EPB41: variants seen among roughly 807,000 people sequenced by gnomAD.
EPB41 encodes the protein erythrocyte membrane protein band 4.1, also known as protein 4.1.
In EPB41, 65 loss-of-function variants were observed where a neutral mutation model predicts 108.0. That is an observed-to-expected ratio of 0.60 (90% CI 0.49 to 0.74). The LOEUF is 0.74. Among genes scored for constraint, EPB41 ranks in the 30% least tolerant of loss-of-function variants. EPB41 has a pLI of 0.00. For missense variants in EPB41, 875 were observed against 1,037.0 expected, an observed-to-expected ratio of 0.84 and a Z score of 2.15; for synonymous variants, 336 against 358.9, an observed-to-expected ratio of 0.94 and a Z score of 0.72.
At chr1:29,027,737 A>C (rs2096739288) in intron 7 of EPB41, among the ~76,000 whole-genome samples, 1 of 152,234 alleles carries the variant, frequency 6.6e-6, no homozygotes, top group Non-Finnish European at 1.5e-5. Flanking sequence ...AGCCTGGCTA[A>C]AAATTAGGTA....
intron 1 of EPB41, among the ~76,000 whole-genome samples, chr1:28,965,121 A>G (rs1248502920): frequency 1.3e-5 from 2 of 152,156 alleles, no homozygotes; most frequent in African/African-American, 4.8e-5. Context: ...TTTATGATGA[A>G]TTCAGTAATT....
intron 1 of EPB41, among the ~76,000 whole-genome samples, chr1:28,967,979 A>G (rs529719430): frequency 1.3e-5 from 2 of 151,878 alleles, no homozygotes; most frequent in South Asian, 4.1e-4. Context: ...AAATTTTTGT[A>G]TTTTTAGTAG....
chr1:28,936,056 C>A (rs2094011561), intron 1 of EPB41, among the ~76,000 whole-genome samples: 2 of 152,184 alleles, frequency 1.3e-5, no homozygotes, highest in Admixed American at 1.3e-4. Context: ...GCTGTTCTAA[C>A]CTTGGCATGA....
chr1:29,045,918 G>A (rs1373493774), intron 11 of EPB41, among the ~76,000 whole-genome samples: 1 of 151,580 alleles, frequency 6.6e-6, no homozygotes, highest in Non-Finnish European at 1.5e-5. Flanking sequence ...TAAGGCTGCA[G>A]TGAGCTGTGC....
chr1:28,890,379 A>T lies in EPB41; in HGVS notation c.-8+3169A>T, dbSNP rs186097242. Reference sequence around the variant, plus strand: ...AAAGGGGGTGGGATTCCACTCCTTTATAGTCTGCAGGCTAGTCACTTTGCT... The same window carrying T: ...AAAGGGGGTGGGATTCCACTCCTTTTTAGTCTGCAGGCTAGTCACTTTGCT... On this transcript the variant is annotated intron_variant, in intron 1 of 16. Coordinates refer to the EPB41 transcript ENST00000347529. 1.3e-3 allele frequency among the ~76,000 whole-genome samples: 197 copies of T among 152,234 alleles called. 1 individual carries two copies. The highest frequency in any genetic ancestry group is 4.3e-3 in the African/African-American group (179 of 41,528).
intron 1 of EPB41, among the ~76,000 whole-genome samples, chr1:28,944,917 A>C (rs1432349303): frequency 1.3e-5 from 2 of 151,410 alleles, no homozygotes; most frequent in South Asian, 2.1e-4. Context: ...AGCAAAACCC[A>C]ATCTCTACCA....
At chr1:29,033,784 T>C (rs917148231) in intron 9 of EPB41, among the ~76,000 whole-genome samples, 1 of 152,234 alleles carries the variant, frequency 6.6e-6, no homozygotes, top group African/African-American at 2.4e-5. Context: ...ATTTAACTTT[T>C]GTATTGAAGA....
intron 11 of EPB41, among the ~76,000 whole-genome samples, chr1:29,044,995 T>C (rs2150550520): frequency 6.6e-6 from 1 of 152,358 alleles, no homozygotes; most frequent in African/African-American, 2.4e-5. Context: ...TACCCTTGTG[T>C]CAATACCACA....
chr1:28,933,756 G>A (rs1405642861), intron 1 of EPB41, among the ~76,000 whole-genome samples: 1 of 152,058 alleles, frequency 6.6e-6, no homozygotes, highest in Non-Finnish European at 1.5e-5. Flanking sequence ...AGAATACAGA[G>A]GTGATGTGTC....
chr1:29,090,352 T>A (rs1302785131), intron 16 of EPB41, among the ~76,000 whole-genome samples: 2 of 152,174 alleles, frequency 1.3e-5, no homozygotes, highest in Non-Finnish European at 2.9e-5. Flanking sequence ...ACATAATCTC[T>A]GGGGGTTAGC....
chr1:28,914,104 C>T (rs956599266), upstream of EPB41, among the ~76,000 whole-genome samples: 4 of 152,182 alleles, frequency 2.6e-5, no homozygotes, highest in Non-Finnish European at 4.4e-5. Flanking sequence ...GAGTGACTTA[C>T]CCGAGGTCAC....
intron 1 of EPB41, among the ~76,000 whole-genome samples, chr1:28,928,818 T>A (rs749222715): frequency 6.6e-6 from 1 of 152,164 alleles, no homozygotes; most frequent in Non-Finnish European, 1.5e-5. Context: ...CTTTGTAACA[T>A]ATAACATTAA....
intron 16 of EPB41, 186 bp downstream of exon 16, chr1:29,065,344 A>C (rs1248364188): frequency 1.6e-5 from 18 of 1,130,438 alleles, no homozygotes; most frequent in Non-Finnish European, 1.9e-5. Flanking sequence ...TAGGCTACCC[A>C]GTGCAATTAT....
upstream of EPB41, among the ~76,000 whole-genome samples, chr1:28,912,860 G>A (rs906096446): frequency 2.6e-5 from 4 of 151,928 alleles, no homozygotes; most frequent in South Asian, 2.1e-4. Flanking sequence ...CAGGTGATCC[G>A]CCTGCCTCAG....
At chr1:29,109,927 G>A (rs1267921313) in intron 18 of EPB41, among the ~76,000 whole-genome samples, 10 of 152,126 alleles carry the variant, frequency 6.6e-5, no homozygotes, top group South Asian at 2.1e-4. Flanking sequence ...CCAGCTATTC[G>A]GGAGGCTGAG....
chr1:29,080,228 C>T (rs537817297), intron 16 of EPB41, among the ~76,000 whole-genome samples: 2 of 151,766 alleles, frequency 1.3e-5, no homozygotes, highest in African/African-American at 4.8e-5. Context: ...AAGCGATTCT[C>T]CTGCCTCAGT....
intron 10 of EPB41, among the ~76,000 whole-genome samples, chr1:29,038,546 T>C (rs1640339283): frequency 6.6e-6 from 1 of 152,234 alleles, no homozygotes; most frequent in Admixed American, 6.5e-5. Context: ...GTAATTTATG[T>C]CCTTATTCAA....
intron 16 of EPB41, chr1:29,071,871 T>C (rs1046813645): frequency 6.6e-6 from 1 of 152,244 alleles, no homozygotes; most frequent in Admixed American, 6.5e-5. Context: ...AAACTAAGAT[T>C]ATTATACTTT....
At chr1:29,014,144 C>T (rs1048460162) in intron 5 of EPB41, among the ~76,000 whole-genome samples, 60 of 151,874 alleles carry the variant, frequency 4.0e-4, no homozygotes, top group African/African-American at 1.4e-3. Context: ...TGGTGAAACC[C>T]CGTCTATACT....
Sources: allele counts gnomAD v4.1 joint callset (sites outside exome capture counted in the v4.1 genomes callset), GRCh38; gene constraint gnomAD v4.1.1; transcripts MANE v1.5; gene names NCBI Gene and HGNC (gene_info 2026-07-23, HGNC 2026-07-21).